TRAPPC9: variants seen among roughly 807,000 people sequenced by gnomAD.
TRAPPC9 encodes the protein trafficking protein particle complex subunit 9, also known as IKK2 binding protein.
Under a neutral mutation model 124.0 loss-of-function variants are expected in TRAPPC9, and 83 were observed. The observed-to-expected ratio is 0.67, with a 90% CI of 0.56 to 0.80. The LOEUF (loss-of-function observed/expected upper bound fraction) is 0.80, where lower values mean the gene tolerates loss of function less well. Among genes scored for constraint, TRAPPC9 ranks in the 30% least tolerant of loss-of-function variants. TRAPPC9 has a pLI of 0.00. For missense variants in TRAPPC9, 1,302 were observed against 1,508.3 expected, an observed-to-expected ratio of 0.86 and a Z score of 2.27; for synonymous variants, 638 against 617.5, an observed-to-expected ratio of 1.03 and a Z score of -0.49.
At position 140,252,755 on chromosome 8, in the gene TRAPPC9, T is replaced by C. The variant is rs1182383681; in HGVS notation, c.2431+22A>G. ...AGTATCTAGGACCCTGACGTGCTAA[T>C]TAAAATTAGGAAAGCGCTTACCATC... is the stretch of plus-strand genomic sequence containing the variant. On this transcript the variant is annotated intron_variant, in intron 16 of 22. Coordinates refer to ENST00000438773, the MANE Select transcript of TRAPPC9 (RefSeq NM_001160372.4). The surrounding 1 kb of genome is among the most constrained non-coding windows in gnomAD (Gnocchi z 4.2). 8.7e-6 allele frequency: 14 copies of C among 1,612,358 alleles called. No homozygotes were observed. The highest frequency in any genetic ancestry group is 1.7e-5 in the Admixed American group (1 of 59,990).
intron 17 of TRAPPC9, among the ~76,000 whole-genome samples, chr8:140,051,746 C>T (rs538790671): frequency 3.2e-4 from 48 of 152,232 alleles, no homozygotes; most frequent in African/African-American, 9.9e-4. Flanking sequence ...TGCTCCCCCA[C>T]GTAGGACAAA....
At chr8:139,802,990 T>C (rs377135455) in intron 21 of TRAPPC9, among the ~76,000 whole-genome samples, 97 of 151,880 alleles carry the variant, frequency 6.4e-4, no homozygotes, top group African/African-American at 2.2e-3. Context: ...GTGCGTGTTA[T>C]GTATGTCAGT....
At chr8:140,278,628 G>A (rs1266255335) in intron 14 of TRAPPC9, among the ~76,000 whole-genome samples, 1 of 152,220 alleles carries the variant, frequency 6.6e-6, no homozygotes, top group African/African-American at 2.4e-5. Context: ...CCTGTGCAGT[G>A]CATCTCTGTA....
At chr8:140,174,476 C>A (rs1366862270) in intron 17 of TRAPPC9, among the ~76,000 whole-genome samples, 1 of 152,218 alleles carries the variant, frequency 6.6e-6, no homozygotes, top group Non-Finnish European at 1.5e-5. Context: ...AGTATATTCA[C>A]AGAATTGTGC....
chr8:140,070,104 C>T (rs556398063), intron 17 of TRAPPC9, among the ~76,000 whole-genome samples: 10 of 152,360 alleles, frequency 6.6e-5, no homozygotes, highest in Non-Finnish European at 1.0e-4. Flanking sequence ...CCAGCGGCAA[C>T]GCGTTACCAG....
chr8:139,886,855 C>T (rs1359107563), intron 20 of TRAPPC9, among the ~76,000 whole-genome samples: 1 of 152,192 alleles, frequency 6.6e-6, no homozygotes, highest in Non-Finnish European at 1.5e-5. Flanking sequence ...AACGTAGAAC[C>T]TGAGAATCGC....
intron 9 of TRAPPC9, among the ~76,000 whole-genome samples, chr8:140,333,215 A>G (rs1299426517): frequency 6.6e-6 from 1 of 152,194 alleles, no homozygotes; most frequent in African/African-American, 2.4e-5. Context: ...CAAAAGAAAT[A>G]CACTAAAATG....
At chr8:139,980,266 T>C (rs1278899588) in intron 19 of TRAPPC9, among the ~76,000 whole-genome samples, 1 of 152,156 alleles carries the variant, frequency 6.6e-6, no homozygotes. Flanking sequence ...CAGTTCTCCA[T>C]AGCGAATCTT....
chr8:140,424,812 G>A (rs755175334), intron 5 of TRAPPC9, among the ~76,000 whole-genome samples: 11 of 152,140 alleles, frequency 7.2e-5, no homozygotes, highest in Non-Finnish European at 1.0e-4. Flanking sequence ...CCCGAAAACC[G>A]TGAAACTCTT....
At chr8:140,318,625 T>G (rs573716538) in intron 9 of TRAPPC9, among the ~76,000 whole-genome samples, 1 of 152,228 alleles carries the variant, frequency 6.6e-6, no homozygotes, top group Non-Finnish European at 1.5e-5. Context: ...GAACATACAG[T>G]ATTTGTCTTT....
chr8:140,408,681 C>G (rs1455428938), intron 5 of TRAPPC9, among the ~76,000 whole-genome samples: 1 of 151,862 alleles, frequency 6.6e-6, no homozygotes, highest in African/African-American at 2.4e-5. Flanking sequence ...GGCAGGAAGA[C>G]AAGGCATCCA....
intron 19 of TRAPPC9, among the ~76,000 whole-genome samples, chr8:139,939,896 GC>G: frequency 6.6e-6 from 1 of 152,370 alleles, no homozygotes. Context: ...GGAAAGGCCT[GC>G]CCCTCTGGCA....
chr8:140,101,270 G>C lies in TRAPPC9; in HGVS notation c.2557-77191C>G, dbSNP rs530895819. ...TTCTCCTGCCTCAGCCTCCCAAGTAGCTGAAACTACAGGTCCACACTACGA... is the reference window on the plus strand; with the variant it reads ...TTCTCCTGCCTCAGCCTCCCAAGTACCTGAAACTACAGGTCCACACTACGA... On this transcript the variant is annotated intron_variant, in intron 17 of 22. Coordinates refer to ENST00000438773, the MANE Select transcript of TRAPPC9 (RefSeq NM_001160372.4). Among the ~76,000 whole-genome samples the C allele has an allele frequency of 3.0e-4, 45 of 152,066 alleles. 1 individual carries two copies. In the South Asian group the frequency reaches 8.9e-3, roughly 30 times the overall value.
chr8:139,851,520 C>T (rs563936008), intron 21 of TRAPPC9, among the ~76,000 whole-genome samples: 22 of 152,236 alleles, frequency 1.4e-4, no homozygotes, highest in East Asian at 7.7e-4. Context: ...CTATTTCAAA[C>T]GGGGATGAAC....
intron 17 of TRAPPC9, among the ~76,000 whole-genome samples, chr8:140,150,220 G>A (rs1407043973): frequency 6.6e-6 from 1 of 152,232 alleles, no homozygotes; most frequent in African/African-American, 2.4e-5. Flanking sequence ...GGCTGAGGCA[G>A]GCAGATTACC....
intron 21 of TRAPPC9, among the ~76,000 whole-genome samples, chr8:139,866,729 CTG>C (rs1393571176): frequency 2.0e-5 from 3 of 152,098 alleles, no homozygotes. Flanking sequence ...GGGCCAGTGA[CTG>C]TTAAGGTGGA....
intron 21 of TRAPPC9, among the ~76,000 whole-genome samples, chr8:139,822,154 G>A (rs1453899063): frequency 2.0e-5 from 3 of 152,182 alleles, no homozygotes; most frequent in East Asian, 3.9e-4. Context: ...AGCTGGGCCA[G>A]CTGTGGGCCA....
chr8:140,335,705 AT>A (rs10622473), intron 9 of TRAPPC9, among the ~76,000 whole-genome samples: 7,248 of 131,602 alleles, frequency 0.055, 182 homozygotes, highest in African/African-American at 0.068. Flanking sequence ...AGTCTTCACA[AT>A]TTTTTTTTTT....
At position 140,094,563 on chromosome 8, in the gene TRAPPC9, A is replaced by G. The variant is rs149507820; in HGVS notation, c.2557-70484T>C. On this transcript the variant is annotated intron_variant, in intron 17 of 22. Transcript: ENST00000438773. The stretch of plus-strand genomic sequence containing the variant: ...TCGTGTATCCACCATGTAACCCAAC[A>G]CAACTGGTACCTACCAGTGACCTGA... Among the ~76,000 whole-genome samples, 741 of 152,270 alleles carry G rather than the reference A, an allele frequency of 4.9e-3. 10 individuals carry two copies. The highest frequency in any genetic ancestry group is 0.016 in the African/African-American group (672 of 41,558).
Sources: allele counts gnomAD v4.1 joint callset (sites outside exome capture counted in the v4.1 genomes callset), GRCh38; gene constraint gnomAD v4.1.1; non-coding constraint Gnocchi (gnomAD v3.1); transcripts MANE v1.5; gene names NCBI Gene and HGNC (gene_info 2026-07-23, HGNC 2026-07-21).